MCHR2: variants seen among roughly 807,000 people sequenced by gnomAD.
MCHR2 encodes the protein melanin concentrating hormone receptor 2.
MCHR2 carries 15 observed loss-of-function variants against 24.8 expected under a neutral mutation model. The ratio of observed to expected loss-of-function variants is 0.60; its 90% CI spans 0.40 to 0.93. MCHR2 has a LOEUF of 0.93. Among genes scored for constraint, MCHR2 ranks in the 40% least tolerant of loss-of-function variants. The pLI is 0.00. For missense variants in MCHR2, 386 were observed against 408.7 expected, an observed-to-expected ratio of 0.94 and a Z score of 0.48; for synonymous variants, 151 against 147.6, an observed-to-expected ratio of 1.02 and a Z score of -0.17.
At chr6:99,959,483 G>C (rs1313803369) in intron 1 of MCHR2, among the ~76,000 whole-genome samples, 2 of 151,390 alleles carry the variant, frequency 1.3e-5, no homozygotes, top group East Asian at 3.9e-4. Context: ...CAAAGAAGCA[G>C]AGAAAAATTG....
At chr6:99,971,229 A>G (rs2114568568) in intron 1 of MCHR2, among the ~76,000 whole-genome samples, 1 of 151,698 alleles carries the variant, frequency 6.6e-6, no homozygotes, top group Middle Eastern at 3.4e-3. Flanking sequence ...GCATCCTCTT[A>G]TTTCATTGAG....
intron 5 of MCHR2, among the ~76,000 whole-genome samples, chr6:99,930,152 T>G (rs1774481287): frequency 6.6e-6 from 1 of 152,208 alleles, no homozygotes; most frequent in Non-Finnish European, 1.5e-5. Flanking sequence ...TCTTTAAGAA[T>G]GTTGAATATT....
chr6:99,956,217 C>T (rs1775058471), intron 1 of MCHR2, 43 bp from the exon 2 acceptor site: 2 of 1,301,894 alleles, frequency 1.5e-6, no homozygotes, highest in Admixed American at 4.7e-5. Flanking sequence ...AACATTCCCT[C>T]AATATAACTT....
At chr6:99,922,340 C>T (rs1269021547) in intron 5 of MCHR2, among the ~76,000 whole-genome samples, 1 of 152,110 alleles carries the variant, frequency 6.6e-6, no homozygotes, top group Non-Finnish European at 1.5e-5. Context: ...ATCTCCTAAC[C>T]TCGCGATCCG....
Position 99,943,092 on chromosome 6 carries a change from G to T in MCHR2, c.444C>A (p.Tyr148Ter), listed in dbSNP as rs1351175347. 6.2e-7 allele frequency: 1 copy of T among 1,612,458 alleles called. No individual in the cohort carries two copies. Among genetic ancestry groups the T allele is most frequent in the Admixed American group, 1.7e-5 (1 of 59,904 alleles). The change falls in exon 4 of 6, where the codon TAC (tyrosine) becomes TAA (stop). Residue 148 changes from tyrosine to a stop codon, truncating the protein, a stop_gained. Coordinates refer to ENST00000281806, the MANE Select transcript of MCHR2 (RefSeq NM_001040179.2). LOFTEE classifies it high-confidence loss of function. ...PFRLTRWRTR[Y>*]KTIRINLGLW... ...GGCCCAAATTGATCCGGATGGTCTT[G>T]TACCTTGTTCTCCAACGTGTCAGTC...
At chr6:99,989,174 C>A (rs545833825) in intron 1 of MCHR2, among the ~76,000 whole-genome samples, 122 of 152,256 alleles carry the variant, frequency 8.0e-4, no homozygotes, top group Admixed American at 1.6e-3. Flanking sequence ...ATCATTTGAG[C>A]CCAGGAGTTT....
chr6:99,978,420 GTTTTTTTTTT>G (rs3996890), intron 1 of MCHR2, among the ~76,000 whole-genome samples: 1 of 104,194 alleles, frequency 9.6e-6, no homozygotes, highest in East Asian at 2.8e-4. Flanking sequence ...GGTCAAGACA[GTTTTTTTTTT>G]TTTTTTTTTT....
chr6:99,958,256 A>G (rs1024559257), intron 1 of MCHR2, among the ~76,000 whole-genome samples: 1 of 151,618 alleles, frequency 6.6e-6, no homozygotes, highest in Non-Finnish European at 1.5e-5. Flanking sequence ...TCTTCCATAA[A>G]TGGTGCTGGG....
intron 1 of MCHR2, among the ~76,000 whole-genome samples, chr6:99,982,497 G>A (rs1049132323): frequency 6.4e-4 from 62 of 97,092 alleles, no homozygotes; most frequent in African/African-American, 2.2e-3. Flanking sequence ...AAAAAAGCCA[G>A]GTGTGGTGGC....
intron 4 of MCHR2, among the ~76,000 whole-genome samples, chr6:99,940,729 C>T (rs567187942): frequency 7.3e-5 from 11 of 150,794 alleles, no homozygotes; most frequent in East Asian, 2.0e-4. Context: ...GAGTCTTTAT[C>T]GCTAGGTTGC....
At chr6:99,972,953 A>C (rs367858643) in intron 1 of MCHR2, among the ~76,000 whole-genome samples, 1 of 151,988 alleles carries the variant, frequency 6.6e-6, no homozygotes. Flanking sequence ...CTGTTCTTTT[A>C]CATTTGCTGA....
At chr6:99,930,774 C>T (rs1038605099) in intron 5 of MCHR2, among the ~76,000 whole-genome samples, 100 of 152,148 alleles carry the variant, frequency 6.6e-4, no homozygotes, top group Non-Finnish European at 1.4e-3. Flanking sequence ...ACTTCTTTCC[C>T]TTTGGTTTGA....
intron 5 of MCHR2, among the ~76,000 whole-genome samples, chr6:99,929,341 A>G (rs1442224663): frequency 3.3e-5 from 5 of 152,096 alleles, no homozygotes; most frequent in African/African-American, 1.2e-4. Flanking sequence ...AGTTCTGTAG[A>G]TGTCTATTAG....
Position 99,930,244 on chromosome 6 carries a change from C to T in MCHR2, c.707+4154G>A, listed in dbSNP as rs1218442296. Among the ~76,000 whole-genome samples the T allele has an allele frequency of 5.3e-5, 8 of 151,920 alleles. No homozygotes were observed. The East Asian group carries it at 7.7e-4, about 15-fold the overall frequency. On this transcript the variant is annotated intron_variant, in intron 5 of 5. Transcript: ENST00000281806. ...GATGGGCTTCCCTTTGTGGGTAACC[C>T]GACCTTTCTCTCTGGCTGCCCTTAA...
At chr6:99,944,810 C>T (rs552940395) in intron 3 of MCHR2, among the ~76,000 whole-genome samples, 2 of 152,282 alleles carry the variant, frequency 1.3e-5, no homozygotes, top group Admixed American at 1.3e-4. Flanking sequence ...CATCAATTTT[C>T]AGAATTCCTC....
chr6:99,964,879 C>A (rs927559097), intron 1 of MCHR2, among the ~76,000 whole-genome samples: 17 of 151,776 alleles, frequency 1.1e-4, no homozygotes, highest in Admixed American at 1.1e-3. Context: ...TAAGGAAGGG[C>A]AAAAAGCAGA....
At chr6:99,928,018 C>T (rs1475066261) in intron 5 of MCHR2, among the ~76,000 whole-genome samples, 2 of 152,120 alleles carry the variant, frequency 1.3e-5, no homozygotes, top group East Asian at 3.8e-4. Context: ...CCTATCAATA[C>T]CTAATTTATT....
intron 5 of MCHR2, among the ~76,000 whole-genome samples, chr6:99,932,197 C>T (rs749254509): frequency 2.0e-4 from 31 of 152,050 alleles, no homozygotes; most frequent in Non-Finnish European, 3.5e-4. Context: ...TCTCTCCTGG[C>T]ATGTAAAGTT....
rs981327727 is a variant in MCHR2, at chr6:99,993,987, T to A, written c.-79A>T. On this transcript the variant is annotated 5_prime_UTR_variant, in exon 1 of 6. Transcript: ENST00000281806. Reference sequence around the variant, plus strand: ...GCGGACAGCCCGGGCGCCCTTCCTCTCTGCGGGACTGCAGGTCTATCCGCT... The same window carrying A: ...GCGGACAGCCCGGGCGCCCTTCCTCACTGCGGGACTGCAGGTCTATCCGCT... The A allele has an allele frequency of 6.6e-6, 1 of 152,108 alleles. No individual in the cohort carries two copies. The highest frequency in any genetic ancestry group is 2.4e-5 in the African/African-American group (1 of 41,422). 9.4% of individuals were successfully genotyped at this position (152,108 alleles called of 1,614,324 possible).
Sources: allele counts gnomAD v4.1 joint callset (sites outside exome capture counted in the v4.1 genomes callset), GRCh38; gene constraint gnomAD v4.1.1; transcripts MANE v1.5; gene names NCBI Gene and HGNC (gene_info 2026-07-23, HGNC 2026-07-21).